TMEFF2: variants seen among roughly 807,000 people sequenced by gnomAD.
TMEFF2 encodes the protein tomoregulin-2.
In TMEFF2, 28 loss-of-function variants were observed where a neutral mutation model predicts 53.8. The ratio of observed to expected loss-of-function variants is 0.52; its 90% CI spans 0.39 to 0.71. TMEFF2 has a LOEUF of 0.71. Among genes scored for constraint, TMEFF2 ranks in the 30% least tolerant of loss-of-function variants. TMEFF2 has a pLI of 0.00. For missense variants in TMEFF2, 353 were observed against 455.2 expected (o/e 0.78, Z 2.04); for synonymous variants, 162 against 166.3 (o/e 0.97, Z 0.20).
intron 7 of TMEFF2, among the ~76,000 whole-genome samples, chr2:191,973,285 AAAT>A (rs1692701049): frequency 1.3e-5 from 2 of 151,944 alleles, no homozygotes; most frequent in Admixed American, 1.3e-4. Flanking sequence ...AAAGATTATT[AAAT>A]AATATTATTA....
chr2:192,076,385 C>T (rs537213396), intron 4 of TMEFF2, among the ~76,000 whole-genome samples: 5 of 152,198 alleles, frequency 3.3e-5, no homozygotes, highest in South Asian at 2.1e-4. Flanking sequence ...CAAATATCTT[C>T]TCTAAATCTT....
intron 4 of TMEFF2, among the ~76,000 whole-genome samples, chr2:192,082,614 A>G (rs1015242779): frequency 6.6e-6 from 1 of 152,162 alleles, no homozygotes; most frequent in Non-Finnish European, 1.5e-5. Context: ...TTCTATATGT[A>G]TGTTTGTTAA....
At chr2:191,984,380 G>C (rs1685926460) in intron 7 of TMEFF2, among the ~76,000 whole-genome samples, 1 of 152,024 alleles carries the variant, frequency 6.6e-6, no homozygotes, top group South Asian at 2.1e-4. Context: ...CTACATTGGT[G>C]ACTTCCTTAC....
chr2:192,191,931 A>C lies in TMEFF2; in HGVS notation c.231T>G (p.Asp77Glu). ...TGTCTCCAATTCTTAAACATTCCCC[A>C]TCAAATTTACAGGTGTTGGTGTCAC... Reference protein sequence around the residue: ...FLCDTNTCKFDGECLRIGDTV... With the variant: ...FLCDTNTCKFEGECLRIGDTV... The change falls in exon 2 of 10, where the codon GAT becomes GAG. Residue 77 changes from aspartate (D) to glutamate (E), a missense_variant. By Grantham distance (45) the Asp-to-Glu change is conservative (BLOSUM62 2). Coordinates refer to ENST00000272771, the MANE Select transcript of TMEFF2 (RefSeq NM_016192.4). 3 of 1,613,630 alleles carry C rather than the reference A, an allele frequency of 1.9e-6. No homozygotes were observed. The African/African-American group carries it at 4.0e-5, about 22-fold the overall frequency.
At chr2:192,173,738 T>C (rs981924372) in intron 4 of TMEFF2, among the ~76,000 whole-genome samples, 1 of 151,828 alleles carries the variant, frequency 6.6e-6, no homozygotes, top group Non-Finnish European at 1.5e-5. Flanking sequence ...TTCCACTTGC[T>C]TTCAGGAGTC....
At chr2:192,023,928 T>C (rs1405095191) in intron 5 of TMEFF2, among the ~76,000 whole-genome samples, 1 of 152,164 alleles carries the variant, frequency 6.6e-6, no homozygotes, top group Non-Finnish European at 1.5e-5. Context: ...AAAGGCATGC[T>C]AAAGAAAGAT....
At chr2:191,956,540 CT>C (rs1383361209) in intron 7 of TMEFF2, among the ~76,000 whole-genome samples, 162 bp from the exon 8 acceptor site, 1 of 152,190 alleles carries the variant, frequency 6.6e-6, no homozygotes, top group Non-Finnish European at 1.5e-5. Flanking sequence ...TGAAAGACGT[CT>C]TTACAATTGT....
intron 7 of TMEFF2, among the ~76,000 whole-genome samples, chr2:191,981,072 G>GTT (rs920494240): frequency 1.3e-5 from 2 of 148,392 alleles, no homozygotes; most frequent in African/African-American, 4.9e-5. Flanking sequence ...CTGCTGCCAG[G>GTT]TTTTTTTTTT....
chr2:192,014,478 G>A (rs1686702740), intron 5 of TMEFF2, among the ~76,000 whole-genome samples: 1 of 151,978 alleles, frequency 6.6e-6, no homozygotes. Flanking sequence ...TCTTTCAATG[G>A]TTAGTTAATC....
intron 5 of TMEFF2, among the ~76,000 whole-genome samples, chr2:192,057,050 T>C (rs2105902740): frequency 6.6e-6 from 1 of 152,278 alleles, no homozygotes; most frequent in Middle Eastern, 3.4e-3. Context: ...GATGATGCCT[T>C]TTAAAAATCT....
At chr2:192,179,059 T>C (rs1479666826) in intron 4 of TMEFF2, 1 of 151,168 alleles carries the variant, frequency 6.6e-6, no homozygotes, top group Non-Finnish European at 1.5e-5. Context: ...TCTCATCTTA[T>C]ATACTTCCCT....
chr2:192,029,922 C>A (rs1190265137), intron 5 of TMEFF2, among the ~76,000 whole-genome samples: 2 of 152,180 alleles, frequency 1.3e-5, no homozygotes, highest in Admixed American at 6.5e-5. Flanking sequence ...GGATTCTATA[C>A]CTGCTTCTTC....
chr2:192,112,186 C>T (rs1483926684), intron 4 of TMEFF2, among the ~76,000 whole-genome samples: 1 of 152,278 alleles, frequency 6.6e-6, no homozygotes, highest in Non-Finnish European at 1.5e-5. Context: ...TGACAGCTTG[C>T]CCTGTGCACC....
rs554493139 is a variant in TMEFF2, at chr2:192,094,175, T to C, written c.440-36400A>G. On this transcript the variant is annotated intron_variant, in intron 4 of 9. Coordinates refer to ENST00000272771, the MANE Select transcript of TMEFF2 (RefSeq NM_016192.4). ...TTGAAAAGGAGAAATGTTGAGATAC[T>C]TCATTCTGGTTGAAGTTTTTGAGTC... Among the ~76,000 whole-genome samples, 7 of 152,336 alleles carry C rather than the reference T, an allele frequency of 4.6e-5. No individual in the cohort carries two copies. The South Asian group carries it at 6.2e-4, about 14-fold the overall frequency.
intron 4 of TMEFF2, among the ~76,000 whole-genome samples, chr2:192,134,198 C>T (rs1006092366): frequency 6.6e-6 from 1 of 152,212 alleles, no homozygotes; most frequent in Non-Finnish European, 1.5e-5. Flanking sequence ...TGCTCCCTGG[C>T]TCCTTCAGCT....
At chr2:191,954,721 A>G (rs1692011022) in intron 8 of TMEFF2, among the ~76,000 whole-genome samples, 2 of 152,152 alleles carry the variant, frequency 1.3e-5, no homozygotes, top group African/African-American at 4.8e-5. Flanking sequence ...AGTAAGTATG[A>G]CGTAGGCAAC....
At chr2:191,970,199 T>C (rs942254225) in intron 7 of TMEFF2, among the ~76,000 whole-genome samples, 1 of 152,124 alleles carries the variant, frequency 6.6e-6, no homozygotes, top group Non-Finnish European at 1.5e-5. Flanking sequence ...TGAGCAAGTT[T>C]TTTTCATGCC....
At chr2:192,164,189 C>G (rs960884462) in intron 4 of TMEFF2, among the ~76,000 whole-genome samples, 1 of 152,164 alleles carries the variant, frequency 6.6e-6, no homozygotes, top group African/African-American at 2.4e-5. Flanking sequence ...TTACCACTTC[C>G]CTACTCTCCT....
chr2:192,071,849 C>T (rs369163841), intron 4 of TMEFF2, among the ~76,000 whole-genome samples: 1 of 151,804 alleles, frequency 6.6e-6, no homozygotes, highest in African/African-American at 2.4e-5. Context: ...TGGTTGAATT[C>T]ATGGATATGG....
Sources: gnomAD v4.1 joint callset for allele counts (sites outside exome capture counted in the v4.1 genomes callset) on GRCh38, gnomAD v4.1.1 for gene constraint, MANE v1.5 for transcripts, NCBI Gene and HGNC (gene_info 2026-07-23, HGNC 2026-07-21) for gene names.